The following CDON variants were observed in gnomAD, a reference collection of about 807,000 sequenced individuals.
CDON encodes the protein cell adhesion molecule-related/down-regulated by oncogenes.
Under a neutral mutation model 120.9 loss-of-function variants are expected in CDON, and 73 were observed. The ratio of observed to expected loss-of-function variants is 0.60; its 90% CI spans 0.50 to 0.73. CDON has a LOEUF of 0.73. CDON is among the 30% of genes least tolerant of loss of function. The pLI, the probability that CDON is intolerant of heterozygous loss-of-function variation, is 0.00. For missense variants in CDON, 1,470 were observed against 1,587.3 expected, an observed-to-expected ratio of 0.93 and a Z score of 1.26; for synonymous variants, 566 against 573.5, an observed-to-expected ratio of 0.99 and a Z score of 0.19.
At chr11:125,994,452 G>C in intron 13 of CDON, 63 bp from the exon 14 acceptor site, 1 of 915,604 alleles carries the variant, frequency 1.1e-6, no homozygotes, top group Non-Finnish European at 1.8e-6. Context: ...CATTCATTAA[G>C]GTTTCTTTAT....
chr11:126,015,597 C>G, intron 6 of CDON, 87 bp from the exon 7 acceptor site: 1 of 1,374,508 alleles, frequency 7.3e-7, no homozygotes, highest in South Asian at 1.2e-5. Context: ...TTCTCTCTAC[C>G]AATAACCAGT....
chr11:126,047,503 A>G (rs1383430651), intron 1 of CDON, among the ~76,000 whole-genome samples: 2 of 152,198 alleles, frequency 1.3e-5, no homozygotes, highest in East Asian at 1.9e-4. Context: ...CTGTACCACA[A>G]TAAGATCACA....
chr11:126,045,355 T>G (rs1392680790), intron 1 of CDON, among the ~76,000 whole-genome samples: 1 of 152,132 alleles, frequency 6.6e-6, no homozygotes, highest in African/African-American at 2.4e-5. Flanking sequence ...AGCACTTAAA[T>G]TTGTGGGAAA....
intron 17 of CDON, among the ~76,000 whole-genome samples, chr11:125,979,143 T>C (rs1404311121): frequency 6.6e-6 from 1 of 152,178 alleles, no homozygotes; most frequent in Non-Finnish European, 1.5e-5. Flanking sequence ...ACAGCAGAAC[T>C]GAATTTGATA....
At chr11:125,992,803 T>C (rs1946667736) in intron 14 of CDON, among the ~76,000 whole-genome samples, 1 of 152,250 alleles carries the variant, frequency 6.6e-6, no homozygotes, top group Non-Finnish European at 1.5e-5. Flanking sequence ...GTATTTCATG[T>C]CAAGAAGTCA....
At chr11:126,027,969 CT>C (rs769832631) in intron 1 of CDON, among the ~76,000 whole-genome samples, 25,012 of 125,736 alleles carry the variant, frequency 0.2, 2,280 homozygotes, top group Middle Eastern at 0.39. Flanking sequence ...ATCACTCTGC[CT>C]TTTTTTTTTT....
Position 126,002,593 on chromosome 11 carries a change from C to G in CDON, c.2027-743G>C, listed in dbSNP as rs779912011. Among the ~76,000 whole-genome samples, 9 of 152,162 alleles carry G rather than the reference C, an allele frequency of 5.9e-5. No individual in the cohort carries two copies. The South Asian group carries it at 1.7e-3, about 28-fold the overall frequency. On this transcript the variant is annotated intron_variant, in intron 10 of 19. Coordinates refer to ENST00000531738, the MANE Select transcript of CDON (RefSeq NM_001378964.1). ...CCACGATGGCATCTTTTTTATCAAG[C>G]CTTCCCTCACAAGCCGCCCTGCAGA...
Position 125,970,394 on chromosome 11 carries a change from C to T in CDON, c.3356+7910G>A, listed in dbSNP as rs775192503. 7.2e-5 allele frequency among the ~76,000 whole-genome samples: 11 copies of T among 151,838 alleles called. 1 individual carries two copies. The highest frequency in any genetic ancestry group is 2.9e-5 in the Non-Finnish European group (2 of 67,928). ...TTCACCATGTTGGTCAGGCTGGTCTCGAACTTCTGACCTCGTGATCTGCCT... is the reference window on the plus strand; with the variant it reads ...TTCACCATGTTGGTCAGGCTGGTCTTGAACTTCTGACCTCGTGATCTGCCT... On this transcript the variant is annotated intron_variant, in intron 18 of 19. Coordinates refer to ENST00000531738, the MANE Select transcript of CDON (RefSeq NM_001378964.1).
chr11:125,980,895 C>T (rs1458609734), intron 17 of CDON, among the ~76,000 whole-genome samples, 154 bp downstream of exon 17: 1 of 152,186 alleles, frequency 6.6e-6, no homozygotes, highest in African/African-American at 2.4e-5. Flanking sequence ...ACAAAGACTA[C>T]TCTGGATCAA....
intron 11 of CDON, 32 bp downstream of exon 11, chr11:126,001,687 G>A: frequency 6.2e-7 from 1 of 1,600,718 alleles, no homozygotes. Flanking sequence ...AGTTATATTT[G>A]TAAAGAAACA....
chr11:126,033,886 A>G (rs1305117533), intron 1 of CDON, among the ~76,000 whole-genome samples: 1 of 152,164 alleles, frequency 6.6e-6, no homozygotes, highest in Non-Finnish European at 1.5e-5. Context: ...GAATTTCTTA[A>G]AGCAGTCATG....
chr11:126,028,821 ATGTG>A (rs147411181), intron 1 of CDON, among the ~76,000 whole-genome samples: 1 of 149,974 alleles, frequency 6.7e-6, no homozygotes, highest in African/African-American at 2.5e-5. Flanking sequence ...GTGTATATGT[ATGTG>A]TGTGTGTGTA....
intron 1 of CDON, among the ~76,000 whole-genome samples, chr11:126,030,770 T>C (rs1947922296): frequency 6.6e-6 from 1 of 152,208 alleles, no homozygotes; most frequent in Non-Finnish European, 1.5e-5. Context: ...AAGTCAAATA[T>C]AGTATATACT....
chr11:126,021,006 G>A (rs1947618141), intron 3 of CDON, among the ~76,000 whole-genome samples: 1 of 147,418 alleles, frequency 6.8e-6, no homozygotes, highest in Admixed American at 6.8e-5. Flanking sequence ...AAAAAAAACT[G>A]TCCTAACTGC....
chr11:126,053,643 T>A (rs1239653178), intron 1 of CDON, among the ~76,000 whole-genome samples: 1 of 151,876 alleles, frequency 6.6e-6, no homozygotes, highest in East Asian at 1.9e-4. Flanking sequence ...TGAGCCAGTA[T>A]CAGATGTTTT....
chr11:126,060,556 G>GA (rs3037714), intron 1 of CDON, among the ~76,000 whole-genome samples: 2,615 of 148,870 alleles, frequency 0.018, 78 homozygotes, highest in Admixed American at 0.062. Context: ...AACGTTCGTG[G>GA]AAAAAAAAAA....
At chr11:125,965,387 G>C (rs1395367066) in intron 18 of CDON, among the ~76,000 whole-genome samples, 2 of 152,132 alleles carry the variant, frequency 1.3e-5, no homozygotes, top group African/African-American at 2.4e-5. Context: ...CAAAGTACTC[G>C]AGGGGCTGAG....
chr11:126,033,371 C>A (rs910914422), intron 1 of CDON, among the ~76,000 whole-genome samples: 1 of 151,966 alleles, frequency 6.6e-6, no homozygotes, highest in Non-Finnish European at 1.5e-5. Flanking sequence ...AGATTTGGGT[C>A]GCAGATGACA....
At chr11:125,994,599 CAAAAGCA>C (rs1946726122) in intron 13 of CDON, among the ~76,000 whole-genome samples, 1 of 152,120 alleles carries the variant, frequency 6.6e-6, no homozygotes, top group Non-Finnish European at 1.5e-5. Flanking sequence ...TCCCTGGGTT[CAAAAGCA>C]TAAAAGCACA....
Sources: allele counts gnomAD v4.1 joint callset (sites outside exome capture counted in the v4.1 genomes callset), GRCh38; gene constraint gnomAD v4.1.1; transcripts MANE v1.5; gene names NCBI Gene and HGNC (gene_info 2026-07-23, HGNC 2026-07-21).